Variants in ROBO2 observed in about 807,000 individuals in gnomAD.
ROBO2 encodes roundabout homolog 2.
ROBO2 carries 53 observed loss-of-function variants against 160.8 expected under a neutral mutation model. The ratio of observed to expected loss-of-function variants is 0.33; its 90% CI spans 0.26 to 0.41. ROBO2 has a LOEUF of 0.41. ROBO2 is among the 10% of genes least tolerant of loss of function. The pLI, the probability that ROBO2 is intolerant of heterozygous loss-of-function variation, is 1.00. For synonymous variants in ROBO2, 664 were observed against 611.7 expected, an observed-to-expected ratio of 1.09 and a Z score of -1.26; for missense variants, 1,577 against 1,722.4, an observed-to-expected ratio of 0.92 and a Z score of 1.49.
chr3:76,532,393 A>C (rs2082277409), intron 2 of ROBO2, among the ~76,000 whole-genome samples: 2 of 152,200 alleles, frequency 1.3e-5, no homozygotes, highest in African/African-American at 4.8e-5. Context: ...TAATCTGACC[A>C]TTGTCATCAG....
At chr3:76,536,099 G>C (rs1280694349) in intron 2 of ROBO2, among the ~76,000 whole-genome samples, 1 of 152,180 alleles carries the variant, frequency 6.6e-6, no homozygotes, top group Non-Finnish European at 1.5e-5. Flanking sequence ...GGCCAGTTTT[G>C]TGGCATTTGA....
intron 2 of ROBO2, among the ~76,000 whole-genome samples, chr3:77,188,075 C>A (rs892370962): frequency 7.0e-6 from 1 of 143,086 alleles, no homozygotes; most frequent in South Asian, 2.1e-4. Context: ...CATAAGAAGT[C>A]CTAGATCTAT....
At chr3:76,607,238 A>T (rs982810826) in intron 2 of ROBO2, among the ~76,000 whole-genome samples, 1 of 152,180 alleles carries the variant, frequency 6.6e-6, no homozygotes, top group African/African-American at 2.4e-5. Flanking sequence ...CCTCCTGAGT[A>T]TCTGGGACTT....
chr3:76,772,452 A>T (rs1194290741), intron 2 of ROBO2, among the ~76,000 whole-genome samples: 3 of 148,292 alleles, frequency 2.0e-5, no homozygotes, highest in African/African-American at 7.4e-5. Flanking sequence ...AACACCTACT[A>T]GGTAAAGTTT....
At chr3:76,635,807 GT>G (rs1427574388) in intron 2 of ROBO2, among the ~76,000 whole-genome samples, 1 of 152,220 alleles carries the variant, frequency 6.6e-6, no homozygotes, top group Non-Finnish European at 1.5e-5. Flanking sequence ...TAACAGAATT[GT>G]TTATTGTAGC....
At chr3:77,542,257 G>C (rs2092497199) in intron 6 of ROBO2, among the ~76,000 whole-genome samples, 1 of 151,574 alleles carries the variant, frequency 6.6e-6, no homozygotes, top group African/African-American at 2.4e-5. Flanking sequence ...GTCTACAAAA[G>C]TAAAAGTGAT....
chr3:76,058,559 A>G (rs1242201629), intron 2 of ROBO2, among the ~76,000 whole-genome samples: 5 of 145,518 alleles, frequency 3.4e-5, no homozygotes, highest in Admixed American at 3.4e-4. Context: ...AACGTTGCAC[A>G]TGAACTATCA....
chr3:76,265,299 C>G (rs1304907784), intron 2 of ROBO2, among the ~76,000 whole-genome samples: 1 of 152,130 alleles, frequency 6.6e-6, no homozygotes, highest in Non-Finnish European at 1.5e-5. Context: ...CTCAGCCTTT[C>G]CTAATCGATC....
At chr3:76,375,620 A>G (rs1015708460) in intron 2 of ROBO2, among the ~76,000 whole-genome samples, 6 of 152,042 alleles carry the variant, frequency 3.9e-5, no homozygotes, top group African/African-American at 1.4e-4. Context: ...AAGCAACTAA[A>G]TATTATCAGG....
intron 2 of ROBO2, among the ~76,000 whole-genome samples, chr3:76,735,786 A>ATTGG (rs1553886639): frequency 1.6e-5 from 2 of 126,600 alleles, no homozygotes; most frequent in Non-Finnish European, 3.2e-5. Context: ...GAAAAAAAAA[A>ATTGG]GGGGAAAGGG....
chr3:76,312,121 G>A (rs1217095928), intron 2 of ROBO2, among the ~76,000 whole-genome samples: 1 of 152,136 alleles, frequency 6.6e-6, no homozygotes, highest in Non-Finnish European at 1.5e-5. Context: ...TGTGAATGCT[G>A]TAAGCCAAAA....
At chr3:76,322,238 A>G (rs1029726031) in intron 2 of ROBO2, among the ~76,000 whole-genome samples, 11 of 148,096 alleles carry the variant, frequency 7.4e-5, no homozygotes, top group Non-Finnish European at 1.5e-4. Context: ...CAGACATTAT[A>G]TAGTGTACAT....
rs534968667 is a variant in ROBO2 at position 76,936,516 on chromosome 3, G to A, written c.110-161498G>A. On this transcript the variant is annotated intron_variant, in intron 2 of 26. Transcript: ENST00000487694. ...GGACAGCGTTGCTCCTCCAAGTCAG[G>A]GAAGGTGTGACCTGAAGGATTTATG... Among the ~76,000 whole-genome samples the A allele has an allele frequency of 9.9e-5, 15 of 152,002 alleles. No individual in the cohort carries two copies. The South Asian group carries it at 3.1e-3, about 32-fold the overall frequency.
chr3:77,354,997 G>A (rs143660483), intron 2 of ROBO2, among the ~76,000 whole-genome samples: 1 of 152,218 alleles, frequency 6.6e-6, no homozygotes, highest in East Asian at 1.9e-4. Flanking sequence ...TACTTTTTTA[G>A]CATAAAGTTC....
At chr3:77,330,438 A>C (rs1298108580) in intron 2 of ROBO2, among the ~76,000 whole-genome samples, 1 of 152,172 alleles carries the variant, frequency 6.6e-6, no homozygotes, top group East Asian at 1.9e-4. Context: ...GGATTGCTTG[A>C]ATCTGGGAGG....
intron 2 of ROBO2, among the ~76,000 whole-genome samples, chr3:76,979,816 T>G (rs1343024174): frequency 2.6e-5 from 4 of 152,098 alleles, no homozygotes; most frequent in Non-Finnish European, 4.4e-5. Context: ...ATTCTTTACT[T>G]GATGTTTTCT....
intron 4 of ROBO2, among the ~76,000 whole-genome samples, chr3:77,484,378 G>A (rs1228913580): frequency 1.3e-5 from 2 of 151,892 alleles, no homozygotes; most frequent in African/African-American, 4.8e-5. Context: ...ATGACATGTG[G>A]ATTTCAAAAA....
intron 23 of ROBO2, among the ~76,000 whole-genome samples, chr3:77,627,436 C>G (rs114131401): frequency 6.6e-6 from 1 of 151,834 alleles, no homozygotes; most frequent in Admixed American, 6.6e-5. Context: ...CGGGCCACCA[C>G]GCTAAGCTAT....
chr3:76,037,125 G>A (rs938643059), intron 2 of ROBO2, among the ~76,000 whole-genome samples: 2 of 151,802 alleles, frequency 1.3e-5, no homozygotes, highest in Non-Finnish European at 2.9e-5. Flanking sequence ...AATAATCCTA[G>A]CTGTAAATCC....
Sources: gnomAD v4.1 joint callset for allele counts (sites outside exome capture counted in the v4.1 genomes callset) on GRCh38, gnomAD v4.1.1 for gene constraint, MANE v1.5 for transcripts, NCBI Gene and HGNC (gene_info 2026-07-23, HGNC 2026-07-21) for gene names.